Variants in NUCKS1 observed in about 807,000 individuals in gnomAD.
NUCKS1 encodes the protein nuclear ubiquitous casein and cyclin-dependent kinase substrate 1.
In NUCKS1, 2 loss-of-function variants were observed where a neutral mutation model predicts 33.0. That is an observed-to-expected ratio of 0.06 (90% confidence interval 0.02 to 0.19). The LOEUF is 0.19. Among genes scored for constraint, NUCKS1 ranks in the 10% least tolerant of loss-of-function variants. The probability of loss-of-function intolerance (pLI) is 1.00; values close to 1 mark genes in which losing one functional copy is unlikely to be tolerated. For missense variants in NUCKS1, 201 were observed against 293.6 expected (o/e 0.68, Z 2.31); for synonymous variants, 106 against 102.8 (o/e 1.03, Z -0.19).
chr1:205,724,925 G>A (rs1653699806), intron 3 of NUCKS1, among the ~76,000 whole-genome samples: 1 of 152,080 alleles, frequency 6.6e-6, no homozygotes, highest in African/African-American at 2.4e-5. Flanking sequence ...AAGAAGTTAA[G>A]GAGCTTCAAA....
At chr1:205,731,235 T>C (rs1366673504) in intron 1 of NUCKS1, 3 of 152,212 alleles carry the variant, frequency 2.0e-5, no homozygotes, top group Non-Finnish European at 4.4e-5. Context: ...ATCAGCAACA[T>C]TTATAAAACT....
chr1:205,723,010 TAA>T (rs1221340772), intron 4 of NUCKS1, among the ~76,000 whole-genome samples: 4 of 152,230 alleles, frequency 2.6e-5, no homozygotes, highest in African/African-American at 4.8e-5. Flanking sequence ...CTAGCAAGTG[TAA>T]GAGATTCAAA....
chr1:205,737,389 AATCAGCACACC>A, intron 1 of NUCKS1, among the ~76,000 whole-genome samples: 1 of 152,352 alleles, frequency 6.6e-6, no homozygotes, highest in East Asian at 1.9e-4. Flanking sequence ...CTGCAAATTT[AATCAGCACACC>A]ATCAGTGTCC....
intron 1 of NUCKS1, among the ~76,000 whole-genome samples, chr1:205,740,836 T>C (rs1654151151): frequency 6.7e-6 from 1 of 150,258 alleles, no homozygotes; most frequent in Admixed American, 6.6e-5. Context: ...TATATATATA[T>C]ATACTTAGTA....
In NUCKS1 at chr1:205,718,088, A is replaced by T; in HGVS notation, c.*192T>A. 1.0e-6 allele frequency: 1 copy of T among 969,852 alleles called. No individual in the cohort carries two copies. The allele number at this position is 969,852 out of a possible 1,614,324, so 60.1% of individuals were successfully genotyped here. On this transcript the variant is annotated 3_prime_UTR_variant, in exon 7 of 7. Transcript: ENST00000367142. The stretch of plus-strand genomic sequence containing the variant: ...TTACACATACAATGGTTTGCTTTAA[A>T]AAAAAAAAAAAAAAAAGAGAGAGAG...
chr1:205,744,119 C>T (rs1158178669), intron 1 of NUCKS1, among the ~76,000 whole-genome samples: 2 of 152,110 alleles, frequency 1.3e-5, no homozygotes, highest in Non-Finnish European at 2.9e-5. Flanking sequence ...TAGGCCTCCC[C>T]ACAACAAAAG....
Position 205,750,055 on chromosome 1 carries a change from C to T in NUCKS1, c.-82G>A. 2 of 1,299,100 alleles carry T rather than the reference C, an allele frequency of 1.5e-6. No homozygotes were observed. The highest frequency in any genetic ancestry group is 2.1e-6 in the Non-Finnish European group (2 of 973,386). The allele number at this position is 1,299,100 out of a possible 1,614,324, so 80.5% of individuals were successfully genotyped here. On this transcript the variant is annotated 5_prime_UTR_variant, in exon 1 of 7. Coordinates refer to ENST00000367142, the MANE Select transcript of NUCKS1 (RefSeq NM_022731.5). ...CCGCGCGCTCGGCGCCCCACCCCCC[C>T]CGAACTTCAGCCGATGGGACCGCTG...
intron 1 of NUCKS1, among the ~76,000 whole-genome samples, chr1:205,736,175 C>T (rs997422766): frequency 2.0e-5 from 3 of 152,070 alleles, no homozygotes; most frequent in African/African-American, 7.2e-5. Context: ...TGGTTTTGAA[C>T]TCCTGGCCTC....
intron 2 of NUCKS1, 37 bp downstream of exon 2, chr1:205,729,535 A>G: frequency 6.9e-7 from 1 of 1,448,728 alleles, no homozygotes; most frequent in Non-Finnish European, 9.7e-7. Context: ...TCCACTGGTC[A>G]GTCCAACTTA....
At chr1:205,719,909 A>G (rs1020405464) in intron 5 of NUCKS1, among the ~76,000 whole-genome samples, 3 of 152,250 alleles carry the variant, frequency 2.0e-5, no homozygotes, top group African/African-American at 7.2e-5. Flanking sequence ...TTTGAAAAGT[A>G]GATTGAAAAC....
intron 4 of NUCKS1, among the ~76,000 whole-genome samples, chr1:205,721,501 T>C (rs1193827022): frequency 6.6e-6 from 1 of 152,240 alleles, no homozygotes; most frequent in Middle Eastern, 3.2e-3. Flanking sequence ...ATGTTCACTG[T>C]TTTTGAAAGC....
chr1:205,734,646 C>T (rs1558053611), intron 1 of NUCKS1, among the ~76,000 whole-genome samples: 2 of 152,194 alleles, frequency 1.3e-5, no homozygotes, highest in South Asian at 4.1e-4. Flanking sequence ...GTAATCCCAG[C>T]ACTTTGGGAG....
intron 4 of NUCKS1, 99 bp downstream of exon 4, chr1:205,723,827 A>T (rs1671961359): frequency 6.0e-6 from 5 of 832,086 alleles, no homozygotes; most frequent in South Asian, 5.1e-5. Context: ...GTAATCCCAG[A>T]TTTGCAACAG....
Position 205,718,101 on chromosome 1 carries a change from AAAAGAG to A in NUCKS1, c.*173_*178del. On this transcript the variant is annotated 3_prime_UTR_variant, in exon 7 of 7. Coordinates refer to ENST00000367142, the MANE Select transcript of NUCKS1 (RefSeq NM_022731.5). ...GGTTTGCTTTAAAAAAAAAAAAAAA[AAAAGAG>A]AGAGAGAGAGAAATGTTACTTTCAA... The A allele has an allele frequency of 2.4e-6, 3 of 1,248,636 alleles. No individual in the cohort carries two copies. The highest frequency in any genetic ancestry group is 3.0e-6 in the Non-Finnish European group (3 of 999,096). The allele number at this position is 1,248,636 out of a possible 1,614,324, so 77.3% of individuals were successfully genotyped here. A position where few individuals can be genotyped will look rare whatever the true frequency, so the allele number is the denominator to read the frequency against.
chr1:205,741,900 T>A (rs1571587508), intron 1 of NUCKS1, among the ~76,000 whole-genome samples: 1 of 152,346 alleles, frequency 6.6e-6, no homozygotes, highest in South Asian at 2.1e-4. Flanking sequence ...ATGACTTAGA[T>A]CTTCCTGACA....
rs1242959868 is a variant in NUCKS1, at chr1:205,716,049, T to C, written c.*2231A>G. On this transcript the variant is annotated 3_prime_UTR_variant, in exon 7 of 7. Coordinates refer to ENST00000367142, the MANE Select transcript of NUCKS1 (RefSeq NM_022731.5). ...ATCCTTCTGTCCAGTCTATCAGAAA[T>C]ATAGAATACATTTTTCAATCTAATG... 1 of 152,198 alleles carries C rather than the reference T, an allele frequency of 6.6e-6. No individual in the cohort carries two copies. Among genetic ancestry groups the C allele is most frequent in the African/African-American group, 2.4e-5 (1 of 41,440 alleles). The allele number at this position is 152,198 out of a possible 1,614,324, so 9.4% of individuals were successfully genotyped here.
Position 205,717,732 on chromosome 1 carries a change from T to G in NUCKS1, c.*548A>C. ...ATCGGTGGAAGTTTAAAGTCATGATTTTTTTTAGACATTGATACTTGTGTC... is the reference window on the plus strand; with the variant it reads ...ATCGGTGGAAGTTTAAAGTCATGATGTTTTTTAGACATTGATACTTGTGTC... On this transcript the variant is annotated 3_prime_UTR_variant, in exon 7 of 7. Coordinates refer to ENST00000367142, the MANE Select transcript of NUCKS1 (RefSeq NM_022731.5). The G allele has an allele frequency of 4.1e-6, 4 of 985,332 alleles. No individual in the cohort carries two copies. Among genetic ancestry groups the G allele is most frequent in the Non-Finnish European group, 4.8e-6 (4 of 829,882 alleles). The allele number at this position is 985,332 out of a possible 1,614,324, so 61.0% of individuals were successfully genotyped here. A position where few individuals can be genotyped will look rare whatever the true frequency, so the allele number is the denominator to read the frequency against.
intron 1 of NUCKS1, among the ~76,000 whole-genome samples, chr1:205,749,332 C>T (rs911294826): frequency 1.3e-5 from 2 of 152,156 alleles, no homozygotes; most frequent in Admixed American, 1.3e-4. Flanking sequence ...CACTTTTGCC[C>T]GGGGGGAAAA....
chr1:205,725,234 G>C (rs1029348952), intron 3 of NUCKS1, among the ~76,000 whole-genome samples: 3 of 152,068 alleles, frequency 2.0e-5, no homozygotes, highest in African/African-American at 7.2e-5. Context: ...CAAATCACTT[G>C]GTATTCTTCA....
Sources: allele counts gnomAD v4.1 joint callset (sites outside exome capture counted in the v4.1 genomes callset), GRCh38; gene constraint gnomAD v4.1.1; transcripts MANE v1.5; gene names NCBI Gene and HGNC (gene_info 2026-07-23, HGNC 2026-07-21).